Variants in CHSY3 observed in about 807,000 individuals in gnomAD.
CHSY3 encodes N-acetylgalactosaminyl-proteoglycan 3-beta-glucuronosyltransferase 3.
A neutral mutation model predicts 67.2 loss-of-function variants in CHSY3; 35 were observed. That is an observed-to-expected ratio of 0.52 (90% CI 0.40 to 0.69). The LOEUF is 0.69. CHSY3 is among the 30% of genes least tolerant of loss of function. The pLI, the probability that CHSY3 is intolerant of heterozygous loss-of-function variation, is 0.00. For synonymous variants in CHSY3, 474 were observed against 434.7 expected (o/e 1.09, Z -1.12); for missense variants, 1,069 against 1,138.5 (o/e 0.94, Z 0.88).
In CHSY3 at chr5:130,183,452, G is replaced by A. The variant is rs1025757352; in HGVS notation, c.1087-777G>A. 7.2e-5 allele frequency among the ~76,000 whole-genome samples: 11 copies of A among 152,100 alleles called. No homozygotes were observed. In the South Asian group the frequency reaches 8.3e-4, roughly 11 times the overall value. ...TATCAGGATGCTAAATGAAATTTAC[G>A]ACTCCCCTGGCAAATAACTTCTTAT... is the stretch of plus-strand genomic sequence containing the variant. On this transcript the variant is annotated intron_variant, in intron 2 of 2. Coordinates refer to ENST00000305031, the MANE Select transcript of CHSY3 (RefSeq NM_175856.5).
chr5:130,171,945 C>T (rs1405872875), intron 2 of CHSY3, among the ~76,000 whole-genome samples: 3 of 152,080 alleles, frequency 2.0e-5, no homozygotes, highest in Admixed American at 1.3e-4. Flanking sequence ...AACTATAGTC[C>T]TAGGAAGCCA....
chr5:129,968,260 T>A (rs1267658914), intron 2 of CHSY3, among the ~76,000 whole-genome samples: 1 of 151,872 alleles, frequency 6.6e-6, no homozygotes, highest in Non-Finnish European at 1.5e-5. Context: ...ATTAACTTTA[T>A]GTGAATTCCC....
intron 2 of CHSY3, among the ~76,000 whole-genome samples, chr5:130,173,356 A>G (rs1490958840): frequency 1.3e-5 from 2 of 152,180 alleles, no homozygotes; most frequent in East Asian, 3.8e-4. Context: ...AAATACCCAG[A>G]GATTCCATGT....
intron 2 of CHSY3, among the ~76,000 whole-genome samples, chr5:129,947,571 C>T (rs1283503366): frequency 1.3e-5 from 2 of 151,300 alleles, no homozygotes; most frequent in African/African-American, 2.4e-5. Flanking sequence ...TGCAGTGAGC[C>T]GAGAGTGCAC....
intron 2 of CHSY3, among the ~76,000 whole-genome samples, chr5:129,963,712 T>C (rs886321000): frequency 2.0e-5 from 3 of 151,980 alleles, no homozygotes; most frequent in Non-Finnish European, 4.4e-5. Context: ...ATGTTTCTTA[T>C]GTCATCTGAC....
At chr5:130,138,432 T>C (rs1768743237) in intron 2 of CHSY3, among the ~76,000 whole-genome samples, 1 of 152,154 alleles carries the variant, frequency 6.6e-6, no homozygotes, top group Non-Finnish European at 1.5e-5. Flanking sequence ...GTTCTGGTGA[T>C]GGGCATGGCT....
intron 2 of CHSY3, among the ~76,000 whole-genome samples, chr5:130,059,855 A>G (rs1219751666): frequency 2.0e-5 from 3 of 152,334 alleles, no homozygotes; most frequent in South Asian, 2.1e-4. Flanking sequence ...GATGAACTTT[A>G]TGAGAGAAGA....
At chr5:129,959,208 T>G (rs1388910380) in intron 2 of CHSY3, among the ~76,000 whole-genome samples, 4 of 152,156 alleles carry the variant, frequency 2.6e-5, no homozygotes, top group Non-Finnish European at 4.4e-5. Flanking sequence ...TCTTTCTTCA[T>G]TTTTAGATAC....
At chr5:130,122,942 A>C (rs1331919520) in intron 2 of CHSY3, among the ~76,000 whole-genome samples, 1 of 152,196 alleles carries the variant, frequency 6.6e-6, no homozygotes, top group African/African-American at 2.4e-5. Flanking sequence ...TTAATTGACC[A>C]TATGGCAAAG....
Position 130,046,124 on chromosome 5 carries a change from C to T in CHSY3, c.1086+137764C>T, listed in dbSNP as rs553394083. On this transcript the variant is annotated intron_variant, in intron 2 of 2. Transcript: ENST00000305031. ...CTACCATATTAAAGGGAAAAAGTAC[C>T]GGCTCGGGGAGGCTACTTTATTAAT... 1.3e-3 allele frequency among the ~76,000 whole-genome samples: 200 copies of T among 152,108 alleles called. 1 individual carries two copies. The highest frequency in any genetic ancestry group is 4.7e-3 in the African/African-American group (195 of 41,516).
chr5:130,166,566 T>G (rs1418973833), intron 2 of CHSY3, among the ~76,000 whole-genome samples: 9 of 152,176 alleles, frequency 5.9e-5, no homozygotes, highest in Non-Finnish European at 1.2e-4. Context: ...TTACTTGATT[T>G]TTGTTAGCAC....
At chr5:129,964,461 C>T (rs1019733379) in intron 2 of CHSY3, among the ~76,000 whole-genome samples, 12 of 151,764 alleles carry the variant, frequency 7.9e-5, no homozygotes, top group African/African-American at 2.7e-4. Context: ...TATAATTTTT[C>T]CCGAAGCTAG....
intron 2 of CHSY3, among the ~76,000 whole-genome samples, chr5:130,086,030 C>G (rs1385328854): frequency 2.0e-5 from 3 of 151,904 alleles, no homozygotes; most frequent in East Asian, 1.9e-4. Flanking sequence ...TTACTTCCAA[C>G]TATGTGGTCA....
intron 2 of CHSY3, among the ~76,000 whole-genome samples, chr5:130,082,223 A>G (rs1372709573): frequency 6.6e-6 from 1 of 152,108 alleles, no homozygotes; most frequent in Non-Finnish European, 1.5e-5. Flanking sequence ...TTAAAAGGCC[A>G]GCAGAAATGA....
rs1414259205 is a variant in CHSY3 at position 130,090,508 on chromosome 5, G to A, written c.1087-93721G>A. On this transcript the variant is annotated intron_variant, in intron 2 of 2. Coordinates refer to ENST00000305031, the MANE Select transcript of CHSY3 (RefSeq NM_175856.5). Reference sequence around the variant, plus strand: ...CTGGTGCCCTTTTTCAAGGATATGCGTCTGGTGTTTCACCTCTCACCACTG... The same window carrying A: ...CTGGTGCCCTTTTTCAAGGATATGCATCTGGTGTTTCACCTCTCACCACTG... Among the ~76,000 whole-genome samples the A allele has an allele frequency of 5.3e-5, 8 of 152,100 alleles. No homozygotes were observed. The East Asian group carries it at 5.8e-4, about 11-fold the overall frequency.
intron 2 of CHSY3, among the ~76,000 whole-genome samples, chr5:129,975,988 T>C (rs895555801): frequency 3.9e-5 from 6 of 152,094 alleles, no homozygotes; most frequent in Non-Finnish European, 7.4e-5. Context: ...CAGAGTTTCA[T>C]CTTAGCTGTT....
intron 2 of CHSY3, among the ~76,000 whole-genome samples, chr5:130,096,231 G>T (rs1037373692): frequency 2.0e-5 from 3 of 152,126 alleles, no homozygotes; most frequent in Non-Finnish European, 4.4e-5. Flanking sequence ...GGAGTGCAAT[G>T]GCGCAGCCTC....
chr5:129,937,750 C>A (rs1382385866), intron 2 of CHSY3, among the ~76,000 whole-genome samples: 1 of 152,154 alleles, frequency 6.6e-6, no homozygotes, highest in Non-Finnish European at 1.5e-5. Context: ...AGGCCCCATG[C>A]AAGTCTACAA....
chr5:129,915,877 A>G (rs1306788425), intron 2 of CHSY3, among the ~76,000 whole-genome samples: 1 of 152,174 alleles, frequency 6.6e-6, no homozygotes, highest in Non-Finnish European at 1.5e-5. Flanking sequence ...CGATACTGAG[A>G]CCTGAGAAAT....
Sources: allele counts gnomAD v4.1 joint callset (sites outside exome capture counted in the v4.1 genomes callset), GRCh38; gene constraint gnomAD v4.1.1; transcripts MANE v1.5; gene names NCBI Gene and HGNC (gene_info 2026-07-23, HGNC 2026-07-21).